GRIK2: variants seen among roughly 807,000 people sequenced by gnomAD.
The protein encoded by GRIK2 is glutamate ionotropic receptor kainate type subunit 2.
GRIK2 carries 32 observed loss-of-function variants against 100.3 expected under a neutral mutation model. The observed-to-expected ratio is 0.32, with a 90% CI of 0.24 to 0.43. GRIK2 has a LOEUF of 0.43. Among genes scored for constraint, GRIK2 ranks in the 20% least tolerant of loss-of-function variants. GRIK2 has a pLI of 1.00. For missense variants in GRIK2, 843 were observed against 1,114.9 expected (o/e 0.76, Z 3.47); for synonymous variants, 417 against 389.4 (o/e 1.07, Z -0.83).
At chr6:101,678,827 G>A (rs1204645215) in intron 5 of GRIK2, among the ~76,000 whole-genome samples, 4 of 152,088 alleles carry the variant, frequency 2.6e-5, no homozygotes, top group African/African-American at 7.2e-5. Flanking sequence ...ACTCTTGTGC[G>A]TTTGTTTGTG....
chr6:101,576,586 A>G (rs1407999138), intron 2 of GRIK2, among the ~76,000 whole-genome samples: 12 of 140,040 alleles, frequency 8.6e-5, no homozygotes, highest in Admixed American at 8.0e-4. Flanking sequence ...ATCTAAGGTG[A>G]TACACATGGC....
chr6:102,041,209 T>TTAA (rs1770551832), intron 15 of GRIK2, among the ~76,000 whole-genome samples: 1 of 151,644 alleles, frequency 6.6e-6, no homozygotes, highest in Admixed American at 6.6e-5. Context: ...ACAGCCGTGA[T>TTAA]TAATATTGTA....
intron 7 of GRIK2, among the ~76,000 whole-genome samples, chr6:101,742,825 T>C (rs1006114908): frequency 1.3e-5 from 2 of 152,096 alleles, no homozygotes; most frequent in Admixed American, 6.5e-5. Context: ...TTAAAGTCTG[T>C]GTTGATGTTA....
At chr6:101,904,816 A>G (rs1012844477) in intron 12 of GRIK2, among the ~76,000 whole-genome samples, 2 of 151,594 alleles carry the variant, frequency 1.3e-5, no homozygotes, top group African/African-American at 4.8e-5. Flanking sequence ...TTATTGCAAG[A>G]ATGAAATTAG....
chr6:101,668,254 A>T (rs578262338), intron 4 of GRIK2, among the ~76,000 whole-genome samples: 1 of 152,146 alleles, frequency 6.6e-6, no homozygotes, highest in East Asian at 1.9e-4. Flanking sequence ...CTCTGTTTTC[A>T]ATGTTCTCTG....
chr6:101,425,261 A>C (rs1361832185), intron 2 of GRIK2, among the ~76,000 whole-genome samples: 1 of 152,218 alleles, frequency 6.6e-6, no homozygotes, highest in Non-Finnish European at 1.5e-5. Context: ...ACAATGGTTG[A>C]ACTAGTTTAT....
chr6:101,555,618 A>G (rs1387429328), intron 2 of GRIK2, among the ~76,000 whole-genome samples: 2 of 152,200 alleles, frequency 1.3e-5, no homozygotes, highest in Non-Finnish European at 2.9e-5. Context: ...CTCTAAAAAG[A>G]GAATTTATAA....
intron 2 of GRIK2, among the ~76,000 whole-genome samples, chr6:101,585,810 A>G (rs1778330663): frequency 6.6e-6 from 1 of 152,130 alleles, no homozygotes; most frequent in African/African-American, 2.4e-5. Context: ...TGAGGCAGCT[A>G]CAGTGAAGAC....
chr6:101,498,366 C>T (rs1415015825), intron 2 of GRIK2, among the ~76,000 whole-genome samples: 1 of 152,016 alleles, frequency 6.6e-6, no homozygotes, highest in African/African-American at 2.4e-5. Context: ...GATTTATAGT[C>T]CTTTGGGTAT....
At chr6:101,503,895 C>T (rs549328142) in intron 2 of GRIK2, among the ~76,000 whole-genome samples, 48 of 152,034 alleles carry the variant, frequency 3.2e-4, no homozygotes, top group Non-Finnish European at 5.7e-4. Context: ...TGTGGGAAGA[C>T]AAGGTAGGCT....
At chr6:101,991,263 C>T (rs1794357434) in intron 14 of GRIK2, among the ~76,000 whole-genome samples, 1 of 151,332 alleles carries the variant, frequency 6.6e-6, no homozygotes, top group Admixed American at 6.6e-5. Context: ...TTTTTTTCAG[C>T]TCTTCATTCC....
At chr6:101,715,433 A>G (rs1414192503) in intron 7 of GRIK2, among the ~76,000 whole-genome samples, 2 of 151,770 alleles carry the variant, frequency 1.3e-5, no homozygotes, top group African/African-American at 4.8e-5. Context: ...GAGGAAAGAA[A>G]GACAAGACTA....
rs750180619 is a variant in GRIK2 at position 101,802,396 on chromosome 6, T to C, written c.1161T>C (p.Phe387=). 1 of 1,589,186 alleles carries C rather than the reference T, an allele frequency of 6.3e-7. No homozygotes were observed. The change falls in exon 9 of 17, where the codon TTT becomes TTC. Residue 387 remains phenylalanine, a synonymous_variant. Transcript: ENST00000369134. ...AAACCAATGGCTTGAGAACAGATTT[T>C]GATTTGGATGTGATCAGTCTGAAGG... is the stretch of plus-strand genomic sequence containing the variant. ...FNKTNGLRTD[F]DLDVISLKEE...
chr6:101,402,245 T>TAC (rs764804397), intron 2 of GRIK2, among the ~76,000 whole-genome samples: 8 of 151,676 alleles, frequency 5.3e-5, no homozygotes, highest in Middle Eastern at 3.2e-3. Flanking sequence ...AACACACACA[T>TAC]ACACACACAC....
At chr6:102,056,988 G>T (rs1439032920) in intron 16 of GRIK2, among the ~76,000 whole-genome samples, 2 of 151,876 alleles carry the variant, frequency 1.3e-5, no homozygotes, top group Non-Finnish European at 2.9e-5. Context: ...AATATTGGTT[G>T]CATTTGTGTG....
At chr6:101,831,644 A>C (rs769055576) in intron 10 of GRIK2, among the ~76,000 whole-genome samples, 1 of 152,170 alleles carries the variant, frequency 6.6e-6, no homozygotes, top group Non-Finnish European at 1.5e-5. Flanking sequence ...TGTTATTATT[A>C]TTTATAGTTA....
At chr6:101,703,114 A>G (rs979247731) in intron 7 of GRIK2, among the ~76,000 whole-genome samples, 2 of 151,944 alleles carry the variant, frequency 1.3e-5, no homozygotes, top group Admixed American at 1.3e-4. Context: ...TTGGGAAGGA[A>G]TAATTTTGAG....
chr6:102,043,290 C>T (rs1770694048), intron 15 of GRIK2, among the ~76,000 whole-genome samples: 1 of 151,618 alleles, frequency 6.6e-6, no homozygotes, highest in Admixed American at 6.6e-5. Flanking sequence ...ATGGTGTGAA[C>T]ATTTGAAATT....
intron 12 of GRIK2, among the ~76,000 whole-genome samples, chr6:101,896,489 C>T (rs1787452002): frequency 6.6e-6 from 1 of 151,668 alleles, no homozygotes; most frequent in Non-Finnish European, 1.5e-5. Context: ...TAAGGATAAA[C>T]ATGCTTATTT....
Sources: allele counts gnomAD v4.1 joint callset (sites outside exome capture counted in the v4.1 genomes callset), GRCh38; gene constraint gnomAD v4.1.1; transcripts MANE v1.5; gene names NCBI Gene and HGNC (gene_info 2026-07-23, HGNC 2026-07-21).